Variants in KIAA0040 observed in about 807,000 individuals in gnomAD.
The protein encoded by KIAA0040 is uncharacterized protein KIAA0040.
In KIAA0040, 10 loss-of-function variants were observed where a neutral mutation model predicts 7.2. That is an observed-to-expected ratio of 1.38 (90% CI 0.85 to 2.34). KIAA0040 has a LOEUF of 2.34. Ranked by LOEUF, KIAA0040 falls within the 30% of genes most tolerant of loss-of-function variation. The pLI is 0.00. For synonymous variants in KIAA0040, 49 were observed against 40.1 expected (o/e 1.22, Z -0.84); for missense variants, 89 against 108.2 (o/e 0.82, Z 0.79).
Position 175,161,130 on chromosome 1 carries a change from C to G in KIAA0040, c.-117G>C. 1 of 951,102 alleles carries G rather than the reference C, an allele frequency of 1.1e-6. No individual in the cohort carries two copies. The highest frequency in any genetic ancestry group is 1.6e-6 in the Non-Finnish European group (1 of 643,660). The allele number at this position is 951,102 out of a possible 1,614,324, so 58.9% of individuals were successfully genotyped here. A position where few individuals can be genotyped will look rare whatever the true frequency, so the allele number is the denominator to read the frequency against. On this transcript the variant is annotated 5_prime_UTR_variant, in exon 4 of 4. It removes an upstream start codon present in the reference 5' UTR. Coordinates refer to ENST00000423313, the MANE Select transcript of KIAA0040 (RefSeq NM_014656.3). ...TTCCTCTTCCAGCTTTGGGTTTGGGCATGCCACTGGCAGCACCTGAAGAGA... is the reference window on the plus strand; with the variant it reads ...TTCCTCTTCCAGCTTTGGGTTTGGGGATGCCACTGGCAGCACCTGAAGAGA...
intron 2 of KIAA0040, among the ~76,000 whole-genome samples, chr1:175,169,776 C>A (rs1183069442): frequency 6.6e-6 from 1 of 152,040 alleles, no homozygotes; most frequent in African/African-American, 2.4e-5. Context: ...GGTTTAGATA[C>A]ACTTCCTTCC....
chr1:175,191,572 A>T (rs775740403), intron 1 of KIAA0040, among the ~76,000 whole-genome samples: 9 of 152,240 alleles, frequency 5.9e-5, no homozygotes, highest in Non-Finnish European at 1.3e-4. Flanking sequence ...AAAGGCTGGT[A>T]AGACGCTTGC....
At chr1:175,161,475 A>C (rs1213874410) in intron 3 of KIAA0040, among the ~76,000 whole-genome samples, 1 of 152,020 alleles carries the variant, frequency 6.6e-6, no homozygotes, top group Admixed American at 6.5e-5. Context: ...GCTTCCCTGG[A>C]CCCTTCTGCA....
At chr1:175,181,357 CA>C (rs1677433531) in intron 1 of KIAA0040, among the ~76,000 whole-genome samples, 2 of 152,286 alleles carry the variant, frequency 1.3e-5, no homozygotes, top group South Asian at 4.1e-4. Context: ...GGGTTGTTGA[CA>C]CCATTGTGGC....
chr1:175,191,855 G>A (rs1050129403), intron 1 of KIAA0040, among the ~76,000 whole-genome samples: 3 of 152,280 alleles, frequency 2.0e-5, no homozygotes, highest in Non-Finnish European at 2.9e-5. Context: ...GCACAATCCC[G>A]CTAAGTAGCA....
chr1:175,185,784 C>A (rs1416788119), intron 1 of KIAA0040, among the ~76,000 whole-genome samples: 1 of 152,166 alleles, frequency 6.6e-6, no homozygotes, highest in African/African-American at 2.4e-5. Flanking sequence ...GTGGAAACAA[C>A]ACAGATGTCG....
At position 175,160,281 on chromosome 1, in the gene KIAA0040, C is replaced by A; in HGVS notation, c.*433G>T. The A allele has an allele frequency of 5.9e-6, 1 of 170,060 alleles. No individual in the cohort carries two copies. Among genetic ancestry groups the A allele is most frequent in the Non-Finnish European group, 1.3e-5 (1 of 78,284 alleles). 10.5% of individuals were successfully genotyped at this position (170,060 alleles called of 1,614,324 possible). ...TTTTGTGACTGTAGATAATGTACTTCCCTGCACAAAGTACATAGCCAATGA... is the reference window on the plus strand; with the variant it reads ...TTTTGTGACTGTAGATAATGTACTTACCTGCACAAAGTACATAGCCAATGA... On this transcript the variant is annotated 3_prime_UTR_variant, in exon 4 of 4. Transcript: ENST00000423313.
chr1:175,180,641 CT>C, intron 1 of KIAA0040, among the ~76,000 whole-genome samples: 1 of 151,542 alleles, frequency 6.6e-6, no homozygotes, highest in African/African-American at 2.4e-5. Context: ...AGACTGGCTA[CT>C]TTTTAATCTC....
intron 2 of KIAA0040, among the ~76,000 whole-genome samples, chr1:175,170,989 T>C (rs899265685): frequency 6.6e-6 from 1 of 152,180 alleles, no homozygotes; most frequent in Non-Finnish European, 1.5e-5. Context: ...TTCTCTCCCA[T>C]TCACTGTGGC....
rs1676507550 is a variant in KIAA0040 at position 175,160,817 on chromosome 1, TTG to T, written c.195_196del (p.Asn65LysfsTer12). On this transcript the variant is annotated frameshift_variant, in exon 4 of 4. Coordinates refer to ENST00000423313, the MANE Select transcript of KIAA0040 (RefSeq NM_014656.3). LOFTEE classifies it high-confidence loss of function. The stretch of plus-strand genomic sequence containing the variant: ...CTTCTTCTTCTTCTTCTTCTTCTTC[TTG>T]TTCTTCTCTGGCTGCTGGCCCCTCT... The T allele has an allele frequency of 4.0e-5, 22 of 551,760 alleles. No homozygotes were observed. The highest frequency in any genetic ancestry group is 5.8e-5 in the Non-Finnish European group (21 of 363,626). 34.2% of individuals were successfully genotyped at this position (551,760 alleles called of 1,614,324 possible).
chr1:175,174,035 C>T (rs1677085348), intron 2 of KIAA0040, among the ~76,000 whole-genome samples: 1 of 136,348 alleles, frequency 7.3e-6, no homozygotes, highest in African/African-American at 2.5e-5. Context: ...CCCGACCCCA[C>T]ACCCCAGTCC....
chr1:175,185,039 T>C (rs1677601682), intron 1 of KIAA0040, among the ~76,000 whole-genome samples: 1 of 152,186 alleles, frequency 6.6e-6, no homozygotes, highest in South Asian at 2.1e-4. Context: ...AATAGGGATG[T>C]TACAGGTTGA....
At chr1:175,181,993 C>T (rs1304873026) in intron 1 of KIAA0040, among the ~76,000 whole-genome samples, 2 of 152,194 alleles carry the variant, frequency 1.3e-5, no homozygotes, top group Non-Finnish European at 2.9e-5. Context: ...CTTCTTGCAG[C>T]CACTGCTTTA....
intron 3 of KIAA0040, among the ~76,000 whole-genome samples, chr1:175,163,914 A>C (rs1405030400): frequency 6.6e-6 from 1 of 152,180 alleles, no homozygotes; most frequent in African/African-American, 2.4e-5. Context: ...ATGAAGGTGG[A>C]GCCACCTGGG....
At chr1:175,189,650 C>T (rs564882659) in intron 1 of KIAA0040, among the ~76,000 whole-genome samples, 94 of 152,190 alleles carry the variant, frequency 6.2e-4, no homozygotes, top group Non-Finnish European at 1.2e-3. Flanking sequence ...CCAGAGCTTA[C>T]ACCTACACAG....
intron 1 of KIAA0040, among the ~76,000 whole-genome samples, chr1:175,183,972 C>T (rs1305761715): frequency 6.6e-6 from 1 of 152,186 alleles, no homozygotes; most frequent in Admixed American, 6.5e-5. Flanking sequence ...AAAATGGAAG[C>T]AGCCAGAGTC....
intron 2 of KIAA0040, among the ~76,000 whole-genome samples, chr1:175,169,695 T>C (rs1676909382): frequency 6.6e-6 from 1 of 152,204 alleles, no homozygotes. Flanking sequence ...AGTTCATTCA[T>C]CATTCTCTTT....
chr1:175,172,860 A>C (rs930803442), intron 2 of KIAA0040, among the ~76,000 whole-genome samples: 7 of 152,218 alleles, frequency 4.6e-5, no homozygotes, highest in African/African-American at 1.7e-4. Flanking sequence ...CATGTTGTGT[A>C]AGTATATTTC....
intron 1 of KIAA0040, among the ~76,000 whole-genome samples, chr1:175,184,017 C>T (rs892085256): frequency 5.3e-5 from 8 of 152,124 alleles, no homozygotes; most frequent in African/African-American, 1.7e-4. Context: ...AAAGCAAAGC[C>T]GCCAGGCCTC....
Sources: gnomAD v4.1 joint callset for allele counts (sites outside exome capture counted in the v4.1 genomes callset) on GRCh38, gnomAD v4.1.1 for gene constraint, MANE v1.5 for transcripts, NCBI Gene and HGNC (gene_info 2026-07-23, HGNC 2026-07-21) for gene names.